The following EPSTI1 variants were observed in gnomAD, a reference collection of about 807,000 sequenced individuals.
The protein encoded by EPSTI1 is epithelial-stromal interaction protein 1.
EPSTI1 carries 66 observed loss-of-function variants against 49.9 expected under a neutral mutation model. That is an observed-to-expected ratio of 1.32 (90% CI 1.08 to 1.62). The LOEUF (loss-of-function observed/expected upper bound fraction) is 1.62. EPSTI1 is among the 40% of genes most tolerant of loss of function. EPSTI1 has a pLI of 0.00. For missense variants in EPSTI1, 394 were observed against 365.5 expected, an observed-to-expected ratio of 1.08 and a Z score of -0.64; for synonymous variants, 137 against 130.7, an observed-to-expected ratio of 1.05 and a Z score of -0.33.
At chr13:42,906,227 C>T (rs1348991114) in intron 8 of EPSTI1, among the ~76,000 whole-genome samples, 2 of 152,176 alleles carry the variant, frequency 1.3e-5, no homozygotes, top group Admixed American at 6.5e-5. Context: ...TTTCTCTGGG[C>T]TCCAATTGTC....
chr13:42,978,109 C>T lies in EPSTI1; in HGVS notation c.189-7439G>A, dbSNP rs556321334. On this transcript the variant is annotated intron_variant, in intron 1 of 10. Coordinates refer to ENST00000313624, the MANE Select transcript of EPSTI1 (RefSeq NM_033255.5). The stretch of plus-strand genomic sequence containing the variant: ...CGGAGCTTGCAGTGAGCCAAGATCA[C>T]GCCACTGCACTCCAGCCTGGGCCAC... Among the ~76,000 whole-genome samples, 8 of 151,754 alleles carry T rather than the reference C, an allele frequency of 5.3e-5. No homozygotes were observed. In the South Asian group the frequency reaches 8.3e-4, roughly 16 times the overall value.
chr13:42,949,594 A>T (rs2039033130), intron 6 of EPSTI1, among the ~76,000 whole-genome samples: 2 of 141,020 alleles, frequency 1.4e-5, no homozygotes, highest in South Asian at 5.1e-4. Flanking sequence ...TCCATGTCAA[A>T]AAAAAAAAAA....
chr13:42,959,146 A>G (rs1039761537), intron 5 of EPSTI1, among the ~76,000 whole-genome samples: 2 of 152,170 alleles, frequency 1.3e-5, no homozygotes, highest in African/African-American at 4.8e-5. Flanking sequence ...TACCAGTCTC[A>G]CTATTACATT....
rs557096610 is a variant in EPSTI1 at position 42,973,277 on chromosome 13, A to T, written c.189-2607T>A. 2.6e-5 allele frequency among the ~76,000 whole-genome samples: 4 copies of T among 152,364 alleles called. No homozygotes were observed. In the South Asian group the frequency reaches 8.3e-4, roughly 32 times the overall value. ...TCTATGGCCAATGTGTGTAGCTTACAGGTACCTAATAGAGAAACATAAAAT... is the reference window on the plus strand; with the variant it reads ...TCTATGGCCAATGTGTGTAGCTTACTGGTACCTAATAGAGAAACATAAAAT... On this transcript the variant is annotated intron_variant, in intron 1 of 10. Transcript: ENST00000313624.
At chr13:42,895,244 T>C (rs1393607312) in intron 9 of EPSTI1, 136 bp from the exon 10 acceptor site, 2 of 638,024 alleles carry the variant, frequency 3.1e-6, no homozygotes, top group Non-Finnish European at 5.3e-6. Flanking sequence ...CCACAGAAAC[T>C]TCTCTTCACA....
chr13:42,991,367 C>T (rs1210486980), intron 1 of EPSTI1: 1 of 153,200 alleles, frequency 6.5e-6, no homozygotes, highest in Non-Finnish European at 1.5e-5. Flanking sequence ...CTCACTGCAA[C>T]CTCCGCCTCC....
At chr13:42,917,453 G>T in intron 8 of EPSTI1, 88 bp downstream of exon 8, 1 of 1,116,004 alleles carries the variant, frequency 9.0e-7, no homozygotes, top group Non-Finnish European at 1.3e-6. Context: ...ATTTTCATGT[G>T]TCTAAATATT....
intron 7 of EPSTI1, among the ~76,000 whole-genome samples, chr13:42,921,785 C>T (rs2038003827): frequency 6.6e-6 from 1 of 151,860 alleles, no homozygotes; most frequent in South Asian, 2.1e-4. Flanking sequence ...AAAGGAAAGT[C>T]CCAGAACAAC....
intron 6 of EPSTI1, among the ~76,000 whole-genome samples, chr13:42,953,083 A>G (rs965371293): frequency 6.6e-6 from 1 of 152,184 alleles, no homozygotes; most frequent in Non-Finnish European, 1.5e-5. Context: ...GGGACCAGAA[A>G]TTTGTGTACA....
intron 6 of EPSTI1, 133 bp from the exon 7 acceptor site, chr13:42,926,562 T>C: frequency 1.4e-6 from 1 of 698,578 alleles, no homozygotes; most frequent in Non-Finnish European, 2.7e-6. Flanking sequence ...GAAAGTTACG[T>C]TGAGAACAAG....
chr13:42,956,136 T>G (rs2039264383), intron 5 of EPSTI1, among the ~76,000 whole-genome samples: 5 of 152,178 alleles, frequency 3.3e-5, no homozygotes, highest in Admixed American at 2.6e-4. Context: ...GAAAAAGCAC[T>G]TATATGGATT....
At chr13:42,952,553 G>A (rs1380009384) in intron 6 of EPSTI1, among the ~76,000 whole-genome samples, 2 of 152,178 alleles carry the variant, frequency 1.3e-5, no homozygotes, top group Non-Finnish European at 1.5e-5. Flanking sequence ...CTCTCTGCAA[G>A]ACAGACAGTT....
At chr13:42,893,268 G>A (rs1005321946) in intron 10 of EPSTI1, among the ~76,000 whole-genome samples, 12 of 152,194 alleles carry the variant, frequency 7.9e-5, no homozygotes, top group Non-Finnish European at 1.2e-4. Context: ...TTCTAGTCGA[G>A]ATGGAACATT....
intron 6 of EPSTI1, among the ~76,000 whole-genome samples, chr13:42,950,656 C>T (rs1162290252): frequency 6.6e-6 from 1 of 152,078 alleles, no homozygotes; most frequent in African/African-American, 2.4e-5. Context: ...GTTGTCCTCT[C>T]TACAGAAAAA....
chr13:42,964,232 A>G, intron 3 of EPSTI1, 93 bp from the exon 4 acceptor site: 1 of 919,324 alleles, frequency 1.1e-6, no homozygotes, highest in Non-Finnish European at 1.6e-6. Flanking sequence ...AATCTATAAC[A>G]TGAGTTCCCT....
intron 8 of EPSTI1, among the ~76,000 whole-genome samples, chr13:42,916,557 A>C (rs2037837375): frequency 6.6e-6 from 1 of 152,234 alleles, no homozygotes; most frequent in Non-Finnish European, 1.5e-5. Context: ...TTTTACACAC[A>C]ATTGTTGTAA....
chr13:42,893,202 G>A (rs1225725843), intron 10 of EPSTI1, among the ~76,000 whole-genome samples: 1 of 152,208 alleles, frequency 6.6e-6, no homozygotes, highest in Non-Finnish European at 1.5e-5. Context: ...GTAGCAAGAA[G>A]GAAATGTGCT....
At chr13:42,915,332 G>C (rs1057513150) in intron 8 of EPSTI1, among the ~76,000 whole-genome samples, 1 of 152,192 alleles carries the variant, frequency 6.6e-6, no homozygotes, top group Non-Finnish European at 1.5e-5. Context: ...AGGAGTTCGA[G>C]ACCAGCCTGG....
intron 1 of EPSTI1, among the ~76,000 whole-genome samples, chr13:42,975,519 A>C (rs1310406489): frequency 6.6e-6 from 1 of 152,184 alleles, no homozygotes; most frequent in Non-Finnish European, 1.5e-5. Flanking sequence ...ATAAGCAGGA[A>C]ATCATCGGGG....
Sources: allele counts gnomAD v4.1 joint callset (sites outside exome capture counted in the v4.1 genomes callset), GRCh38; gene constraint gnomAD v4.1.1; transcripts MANE v1.5; gene names NCBI Gene and HGNC (gene_info 2026-07-23, HGNC 2026-07-21).